Variants in SMURF1 observed in about 807,000 individuals in gnomAD.
The protein encoded by SMURF1 is E3 ubiquitin-protein ligase SMURF1.
A neutral mutation model predicts 98.0 loss-of-function variants in SMURF1; 44 were observed. The observed-to-expected ratio is 0.45, with a 90% CI of 0.35 to 0.58. SMURF1 has a LOEUF of 0.58. Ranked by LOEUF, SMURF1 falls within the 20% of genes least tolerant of loss-of-function variation. The pLI is 0.00. For synonymous variants in SMURF1, 396 were observed against 374.9 expected, an observed-to-expected ratio of 1.06 and a Z score of -0.65; for missense variants, 687 against 938.4, an observed-to-expected ratio of 0.73 and a Z score of 3.50.
At chr7:99,051,293 G>C (rs1404270143) in intron 8 of SMURF1, 64 bp downstream of exon 8, 5 of 1,215,862 alleles carry the variant, frequency 4.1e-6, no homozygotes, top group African/African-American at 1.5e-5. Flanking sequence ...CATCTGGAAG[G>C]TATTGGCTTT....
Position 99,087,964 on chromosome 7 carries a change from A to G in SMURF1, c.56-26127T>C, listed in dbSNP as rs562043540. On this transcript the variant is annotated intron_variant, in intron 1 of 17. Transcript: ENST00000361368. ...ACTAAATGAAAATTTCTTTAAAAAA[A>G]AAAAGTATTTGGCCGGGAGCAGTGG... 5.6e-4 allele frequency among the ~76,000 whole-genome samples: 86 copies of G among 152,318 alleles called. 1 individual carries two copies. The highest frequency in any genetic ancestry group is 2.0e-3 in the African/African-American group (82 of 41,574).
rs768124863 is a variant in SMURF1 at position 99,054,771 on chromosome 7, T to C, written c.479+19A>G. ...GGCAGCAGAGAACTCAGCCCGCCTC[T>C]TGCTGTGGTTATACGTACCCTTCAT... On this transcript the variant is annotated intron_variant, in intron 6 of 17. Transcript: ENST00000361368. 6.2e-7 allele frequency: 1 copy of C among 1,612,902 alleles called. No individual in the cohort carries two copies. Among genetic ancestry groups the C allele is most frequent in the Non-Finnish European group, 8.5e-7 (1 of 1,178,998 alleles).
intron 3 of SMURF1, among the ~76,000 whole-genome samples, chr7:99,058,599 C>A (rs1194594141): frequency 6.6e-6 from 1 of 152,192 alleles, no homozygotes; most frequent in Non-Finnish European, 1.5e-5. Flanking sequence ...TTTACTGTCA[C>A]TGCAAGTCAA....
At chr7:99,065,279 G>C (rs1479917490) in intron 1 of SMURF1, among the ~76,000 whole-genome samples, 1 of 151,966 alleles carries the variant, frequency 6.6e-6, no homozygotes. Flanking sequence ...GTAGAAACGG[G>C]GTCTCAGTAT....
chr7:99,127,894 G>A (rs1178027828), intron 1 of SMURF1, among the ~76,000 whole-genome samples: 2 of 152,052 alleles, frequency 1.3e-5, no homozygotes, highest in African/African-American at 2.4e-5. Context: ...TATAAACAAC[G>A]CTACTACATA....
intron 1 of SMURF1, among the ~76,000 whole-genome samples, chr7:99,091,948 A>G (rs150599993): frequency 5.3e-5 from 8 of 152,066 alleles, no homozygotes; most frequent in Admixed American, 3.9e-4. Context: ...ACCAAAAGAT[A>G]TGGATTTTGA....
At chr7:99,031,753 C>T (rs76983984) in intron 17 of SMURF1, among the ~76,000 whole-genome samples, 1 of 152,260 alleles carries the variant, frequency 6.6e-6, no homozygotes, top group Non-Finnish European at 1.5e-5. Context: ...AAGTCACTTG[C>T]CCCAAATCAC....
intron 1 of SMURF1, among the ~76,000 whole-genome samples, chr7:99,135,461 ATT>A (rs1261514755): frequency 2.0e-5 from 3 of 152,060 alleles, no homozygotes; most frequent in African/African-American, 7.2e-5. Flanking sequence ...TTCCCCCTTT[ATT>A]TTTATTTCTT....
chr7:99,119,447 T>C (rs963224857), intron 1 of SMURF1, among the ~76,000 whole-genome samples: 1 of 152,208 alleles, frequency 6.6e-6, no homozygotes, highest in Admixed American at 6.5e-5. Flanking sequence ...AGGAAGGTTG[T>C]TGACCCATGC....
At chr7:99,073,494 G>C (rs1235411044) in intron 1 of SMURF1, among the ~76,000 whole-genome samples, 1 of 149,706 alleles carries the variant, frequency 6.7e-6, no homozygotes, top group Non-Finnish European at 1.5e-5. Context: ...ACCAGACACA[G>C]TGGCTCACGC....
chr7:99,057,385 G>A (rs768824790), intron 4 of SMURF1, 33 bp downstream of exon 4: 2 of 1,611,840 alleles, frequency 1.2e-6, no homozygotes, highest in East Asian at 4.5e-5. Context: ...TTCTTTGGTT[G>A]CATTAAGAGG....
chr7:99,036,193 C>T (rs1329017736), intron 15 of SMURF1: 1 of 193,318 alleles, frequency 5.2e-6, no homozygotes, highest in East Asian at 1.4e-4. Flanking sequence ...AGTTCAACCC[C>T]TGCTGGGTGC....
intron 16 of SMURF1, 55 bp downstream of exon 16, chr7:99,035,460 T>G (rs1795098485): frequency 6.3e-7 from 1 of 1,596,710 alleles, no homozygotes; most frequent in South Asian, 1.1e-5. Flanking sequence ...CAGCTCTTCC[T>G]GCCCACAGCG....
At chr7:99,120,897 T>G (rs951507125) in intron 1 of SMURF1, 30 of 149,384 alleles carry the variant, frequency 2.0e-4, no homozygotes, top group African/African-American at 6.1e-4. Context: ...AAAGATTTGT[T>G]TTTTTTTTTT....
chr7:99,058,708 T>G (rs1168571474), intron 3 of SMURF1, among the ~76,000 whole-genome samples: 1 of 152,234 alleles, frequency 6.6e-6, no homozygotes, highest in African/African-American at 2.4e-5. Flanking sequence ...CAGTATAATT[T>G]GTATTAACTA....
intron 1 of SMURF1, among the ~76,000 whole-genome samples, chr7:99,109,287 C>G (rs992287992): frequency 1.3e-5 from 2 of 152,226 alleles, no homozygotes; most frequent in African/African-American, 2.4e-5. Context: ...TCACAGACAC[C>G]GGCAAGCCGC....
rs77043803 is a variant in SMURF1, at chr7:99,079,794, A to T, written c.56-17957T>A. Among the ~76,000 whole-genome samples the T allele has an allele frequency of 6.7e-3, 1,027 of 152,340 alleles. 17 individuals carry two copies. The highest frequency in any genetic ancestry group is 0.023 in the African/African-American group (956 of 41,588). On this transcript the variant is annotated intron_variant, in intron 1 of 17. Coordinates refer to ENST00000361368, the MANE Select transcript of SMURF1 (RefSeq NM_181349.3). ...GAAACTGTTTCAATCAAATGAAAAT[A>T]AAAAATACTGTATATTAAAATGCAG...
chr7:99,138,955 C>T (rs1798054440), intron 1 of SMURF1, among the ~76,000 whole-genome samples: 1 of 152,164 alleles, frequency 6.6e-6, no homozygotes, highest in South Asian at 2.1e-4. Flanking sequence ...GAGGCAGACC[C>T]TAAGGAAAAT....
At chr7:99,078,110 C>G (rs1490796088) in intron 1 of SMURF1, among the ~76,000 whole-genome samples, 1 of 151,916 alleles carries the variant, frequency 6.6e-6, no homozygotes, top group Non-Finnish European at 1.5e-5. Context: ...ACCAGCCTGG[C>G]CAAATATGGT....
Sources: gnomAD v4.1 joint callset for allele counts (sites outside exome capture counted in the v4.1 genomes callset) on GRCh38, gnomAD v4.1.1 for gene constraint, MANE v1.5 for transcripts, NCBI Gene and HGNC (gene_info 2026-07-23, HGNC 2026-07-21) for gene names.